PRRC1: variants seen among roughly 807,000 people sequenced by gnomAD.
PRRC1 encodes the protein protein PRRC1.
A neutral mutation model predicts 40.7 loss-of-function variants in PRRC1; 39 were observed. The observed-to-expected ratio is 0.96, with a 90% CI of 0.74 to 1.25. The LOEUF (loss-of-function observed/expected upper bound fraction) is 1.25. Among genes scored for constraint, PRRC1 ranks in the 50% most tolerant of loss-of-function variants. The pLI, the probability that PRRC1 is intolerant of heterozygous loss-of-function variation, is 0.00. For synonymous variants in PRRC1, 175 were observed against 193.3 expected, an observed-to-expected ratio of 0.91 and a Z score of 0.79; for missense variants, 573 against 548.3, an observed-to-expected ratio of 1.05 and a Z score of -0.45.
At position 127,518,869 on chromosome 5, in the gene PRRC1, G is replaced by A. The variant is rs146752485; in HGVS notation, c.-21+1093G>A. Reference sequence around the variant, plus strand: ...TGTTGATATATGAATAGTACTTTTCGTGACAAGACTTGAGCCCTAAAACAG... The same window carrying A: ...TGTTGATATATGAATAGTACTTTTCATGACAAGACTTGAGCCCTAAAACAG... On this transcript the variant is annotated intron_variant, in intron 1 of 8. Transcript: ENST00000296666. Among the ~76,000 whole-genome samples the A allele has an allele frequency of 7.7e-4, 117 of 151,754 alleles. 1 individual carries two copies. Among genetic ancestry groups the A allele is most frequent in the African/African-American group, 2.7e-3 (111 of 41,366 alleles).
intron 6 of PRRC1, among the ~76,000 whole-genome samples, chr5:127,535,541 C>T (rs755527544): frequency 6.6e-5 from 10 of 152,044 alleles, no homozygotes; most frequent in South Asian, 2.1e-4. Flanking sequence ...TGTGCATGTC[C>T]GATTTTGAGA....
chr5:127,543,628 T>A (rs1768120169), intron 7 of PRRC1, among the ~76,000 whole-genome samples: 1 of 152,214 alleles, frequency 6.6e-6, no homozygotes, highest in Non-Finnish European at 1.5e-5. Flanking sequence ...TCATTTCATC[T>A]TCCATCACTG....
chr5:127,518,371 T>C (rs1767371227), intron 1 of PRRC1, among the ~76,000 whole-genome samples: 1 of 152,266 alleles, frequency 6.6e-6, no homozygotes, highest in African/African-American at 2.4e-5. Context: ...CTCGTTTCTT[T>C]GTTTGGTCTT....
chr5:127,525,224 A>C (rs1462611776), intron 3 of PRRC1, among the ~76,000 whole-genome samples: 2 of 152,190 alleles, frequency 1.3e-5, no homozygotes, highest in Non-Finnish European at 2.9e-5. Context: ...TATCCTGGTC[A>C]TTTCATATAG....
At chr5:127,518,991 A>G (rs535046588) in intron 1 of PRRC1, among the ~76,000 whole-genome samples, 44 of 152,318 alleles carry the variant, frequency 2.9e-4, no homozygotes, top group Non-Finnish European at 5.7e-4. Context: ...CAGTATTGCC[A>G]TTACGGCAGT....
At chr5:127,524,457 G>C (rs1346154284) in intron 2 of PRRC1, 74 bp from the exon 3 acceptor site, 1 of 1,468,240 alleles carries the variant, frequency 6.8e-7, no homozygotes, top group Non-Finnish European at 9.1e-7. Context: ...CAAGAAGAAA[G>C]TAATTAGACA....
chr5:127,518,645 TAGGTCAGC>T (rs1767380467), intron 1 of PRRC1, among the ~76,000 whole-genome samples: 1 of 152,074 alleles, frequency 6.6e-6, no homozygotes, highest in Admixed American at 6.6e-5. Context: ...GTGGCACGAG[TAGGTCAGC>T]AATAATTGCT....
In PRRC1 at chr5:127,547,981, G is replaced by A. The variant is rs756551727; in HGVS notation, c.1128+60G>A. 2.1e-5 allele frequency: 23 copies of A among 1,111,924 alleles called. No homozygotes were observed. The East Asian group carries it at 4.0e-4, about 19-fold the overall frequency. The allele number at this position is 1,111,924 out of a possible 1,614,324, so 68.9% of individuals were successfully genotyped here. Reference sequence around the variant, plus strand: ...AGAGAAACTTACACTATTGTTTTCAGAATAAAAATTTGTTCGGTTTTTTTG... The same window carrying A: ...AGAGAAACTTACACTATTGTTTTCAAAATAAAAATTTGTTCGGTTTTTTTG... On this transcript the variant is annotated intron_variant, in intron 8 of 8. Transcript: ENST00000296666.
At chr5:127,526,229 CTGAGT>C (rs925444246) in intron 3 of PRRC1, among the ~76,000 whole-genome samples, 19 of 152,126 alleles carry the variant, frequency 1.2e-4, no homozygotes. Flanking sequence ...AATTTTCTTT[CTGAGT>C]TAACATGAAG....
Position 127,542,036 on chromosome 5 carries a change from C to G in PRRC1, c.1025+2893C>G, listed in dbSNP as rs181581154. ...TTAGTGCTATAAATTTCCCTCTACACACTGCTTTGAATGTGTCTGAGATTC... is the reference window on the plus strand; with the variant it reads ...TTAGTGCTATAAATTTCCCTCTACAGACTGCTTTGAATGTGTCTGAGATTC... On this transcript the variant is annotated intron_variant, in intron 7 of 8. Coordinates refer to ENST00000296666, the MANE Select transcript of PRRC1 (RefSeq NM_130809.5). Among the ~76,000 whole-genome samples the G allele has an allele frequency of 9.9e-5, 15 of 152,270 alleles. No individual in the cohort carries two copies. In the East Asian group the frequency reaches 2.9e-3, roughly 29 times the overall value.
chr5:127,550,370 T>A (rs997348875), intron 8 of PRRC1: 1 of 152,214 alleles, frequency 6.6e-6, no homozygotes, highest in African/African-American at 2.4e-5. Flanking sequence ...TGGAATTTTT[T>A]AATTTAAGGT....
chr5:127,541,524 A>G (rs529645845), intron 7 of PRRC1, among the ~76,000 whole-genome samples: 93 of 151,950 alleles, frequency 6.1e-4, no homozygotes, highest in African/African-American at 2.0e-3. Flanking sequence ...TTGGTTGGTA[A>G]GCTATTGATT....
chr5:127,546,367 G>A (rs189034176), intron 7 of PRRC1, among the ~76,000 whole-genome samples: 1 of 152,272 alleles, frequency 6.6e-6, no homozygotes, highest in East Asian at 1.9e-4. Flanking sequence ...CTCATCTACT[G>A]ATTCCAATAT....
chr5:127,543,126 T>C (rs999184663), intron 7 of PRRC1, among the ~76,000 whole-genome samples: 9 of 152,086 alleles, frequency 5.9e-5, no homozygotes, highest in Non-Finnish European at 1.2e-4. Context: ...TCTCCTTCAC[T>C]TACAAAACTT....
At chr5:127,530,460 C>A in intron 5 of PRRC1, 64 bp downstream of exon 5, 1 of 974,490 alleles carries the variant, frequency 1.0e-6, no homozygotes, top group Non-Finnish European at 1.6e-6. Flanking sequence ...ACATCAGCCA[C>A]TAATTGTAAT....
At chr5:127,533,551 C>T in intron 5 of PRRC1, 72 bp from the exon 6 acceptor site, 1 of 1,253,148 alleles carries the variant, frequency 8.0e-7, no homozygotes. Flanking sequence ...GATGTTAGCA[C>T]CTGGTATGGT....
At position 127,551,983 on chromosome 5, in the gene PRRC1, A is replaced by G. The variant is rs1768402408; in HGVS notation, c.*67A>G. 2.5e-6 allele frequency: 4 copies of G among 1,599,902 alleles called. No individual in the cohort carries two copies. In the Admixed American group the frequency reaches 5.1e-5, roughly 20 times the overall value. ...AGCTTGATGTTAAAGAAGTGGTTGT[A>G]CCTTCCTAAATCGAATAGTCTAAAT... On this transcript the variant is annotated 3_prime_UTR_variant, in exon 9 of 9. Transcript: ENST00000296666.
chr5:127,537,191 A>G lies in PRRC1; in HGVS notation c.922-1849A>G, dbSNP rs143018549. On this transcript the variant is annotated intron_variant, in intron 6 of 8. Coordinates refer to ENST00000296666, the MANE Select transcript of PRRC1 (RefSeq NM_130809.5). ...AATATCTATAAGCATTTATGAAAATATTATAAAATTTTAACTATTCACTGA... is the reference window on the plus strand; with the variant it reads ...AATATCTATAAGCATTTATGAAAATGTTATAAAATTTTAACTATTCACTGA... Among the ~76,000 whole-genome samples the G allele has an allele frequency of 1.4e-4, 21 of 151,970 alleles. No individual in the cohort carries two copies. In the East Asian group the frequency reaches 4.0e-3, roughly 29 times the overall value.
rs1376886849 is a variant in PRRC1 at position 127,524,741 on chromosome 5, C to T, written c.314C>T (p.Pro105Leu). ...SPSTAAAFGN[P>L]PVSHFPPSTS... ...TCAACTGCTGCTGCCTTCGGTAATC[C>T]TCCTGTATCTCACTTCCCACCTTCA... is the stretch of plus-strand genomic sequence containing the variant. Residue 105 changes from proline (P) to leucine (L), a missense_variant, in exon 3 of 9, where the codon CCT becomes CTT. By Grantham distance (98) the Pro-to-Leu change is moderately conservative. Transcript: ENST00000296666. 1 of 1,614,154 alleles carries T rather than the reference C, an allele frequency of 6.2e-7. No individual in the cohort carries two copies. The highest frequency in any genetic ancestry group is 1.1e-5 in the South Asian group (1 of 91,082).
Sources: allele counts gnomAD v4.1 joint callset (sites outside exome capture counted in the v4.1 genomes callset), GRCh38; gene constraint gnomAD v4.1.1; transcripts MANE v1.5; gene names NCBI Gene and HGNC (gene_info 2026-07-23, HGNC 2026-07-21).